KIAA1549: variants seen among roughly 807,000 people sequenced by gnomAD.
KIAA1549 encodes the protein UPF0606 protein KIAA1549.
In KIAA1549, 70 loss-of-function variants were observed where a neutral mutation model predicts 156.4. That is an observed-to-expected ratio of 0.45 (90% CI 0.37 to 0.55). The LOEUF (loss-of-function observed/expected upper bound fraction) is 0.55. KIAA1549 is among the 20% of genes least tolerant of loss of function. The pLI, the probability that KIAA1549 is intolerant of heterozygous loss-of-function variation, is 0.00. For synonymous variants in KIAA1549, 1,103 were observed against 1,066.4 expected, an observed-to-expected ratio of 1.03 and a Z score of -0.67; for missense variants, 2,428 against 2,540.9, an observed-to-expected ratio of 0.96 and a Z score of 0.96.
Position 138,922,332 on chromosome 7 carries a change from T to C in KIAA1549, c.188-2894A>G, listed in dbSNP as rs112636510. On this transcript the variant is annotated intron_variant, in intron 1 of 19. Transcript: ENST00000422774. The stretch of plus-strand genomic sequence containing the variant: ...ATATTCACAGTCTGGTTTCAAAGTA[T>C]TCCTGCAGCTAGAGTTGCAGAGCAC... Among the ~76,000 whole-genome samples, 121 of 152,290 alleles carry C rather than the reference T, an allele frequency of 7.9e-4. 2 individuals carry two copies. Among genetic ancestry groups the C allele is most frequent in the African/African-American group, 2.5e-3 (104 of 41,556 alleles).
rs896360179 is a variant in KIAA1549, at chr7:138,894,545, GGT to G, written c.3848-21_3848-20del. On this transcript the variant is annotated intron_variant, in intron 9 of 19. Coordinates refer to ENST00000422774, the MANE Select transcript of KIAA1549 (RefSeq NM_001164665.2). ...TCGACAGCTGCAGACAAGGAAGAAA[GGT>G]CTTTCAATAATTCCTTCTTCACTCA... The G allele has an allele frequency of 6.8e-6, 11 of 1,612,784 alleles. No homozygotes were observed. The Admixed American group carries it at 8.3e-5, about 12-fold the overall frequency.
intron 7 of KIAA1549, 114 bp from the exon 8 acceptor site, chr7:138,903,850 T>C (rs10235011): frequency 0.061 from 22,333 of 367,302 alleles, 1,149 homozygotes; most frequent in African/African-American, 0.15. Context: ...TGTGTGTGTG[T>C]GTGCGCGCGC....
Position 138,912,427 on chromosome 7 carries a change from A to T in KIAA1549, c.2912T>A (p.Ile971Asn). ...CCTCAGTACTTCTTTGATTGCTGTA[A>T]TGATGTACTCCTGCACAGCTCTTCT... ...LARRAVQEYIITAIKEVLRIH... is the reference protein window; with the variant it reads ...LARRAVQEYINTAIKEVLRIH... The change falls in exon 3 of 20, where the codon ATT (isoleucine) becomes AAT (asparagine). Residue 971 changes from isoleucine (I) to asparagine (N), a missense_variant. By Grantham distance (149) the Ile-to-Asn change is moderately radical. Around this residue, in one of 5 missense-constraint regions of KIAA1549, gnomAD observed 762 missense variants for 901.6 expected, o/e 0.85. Transcript: ENST00000422774. The T allele has an allele frequency of 1.2e-6, 2 of 1,613,870 alleles. No individual in the cohort carries two copies.
chr7:138,903,482 T>A, intron 8 of KIAA1549, 106 bp downstream of exon 8: 1 of 1,186,996 alleles, frequency 8.4e-7, no homozygotes, highest in Non-Finnish European at 1.2e-6. Context: ...CTCATGGCAC[T>A]TCTCATTTGC....
At position 138,916,899 on chromosome 7, in the gene KIAA1549, G is replaced by A. The variant is rs776428143; in HGVS notation, c.2727C>T (p.Pro909=). ...GGGGAGGAGCAGCACTACTCTCTGG[G>A]GGGCTCTGACTTGCGGCGTCACCCA... The part of the protein sequence containing the change: ...TLMGDAASQS[P]PESSAAPPLP... Residue 909 remains proline (P), a synonymous_variant, in exon 2 of 20, where the codon CCC becomes CCT. Transcript: ENST00000422774. The A allele has an allele frequency of 4.3e-6, 7 of 1,613,732 alleles. No homozygotes were observed. In the South Asian group the frequency reaches 6.6e-5, roughly 15 times the overall value.
intron 1 of KIAA1549, 118 bp from the exon 2 acceptor site, chr7:138,919,556 T>G (rs1342785014): frequency 6.8e-7 from 1 of 1,480,880 alleles, no homozygotes; most frequent in African/African-American, 1.4e-5. Flanking sequence ...TAAATATCCA[T>G]GAATCACCGT....
intron 1 of KIAA1549, among the ~76,000 whole-genome samples, chr7:138,971,835 C>T (rs1025517170): frequency 1.9e-4 from 29 of 152,188 alleles, no homozygotes; most frequent in African/African-American, 6.5e-4. Context: ...CCTAGACACC[C>T]AACTCCTGCC....
chr7:138,861,062 AGC>A, intron 16 of KIAA1549, 75 bp downstream of exon 16: 1 of 1,435,828 alleles, frequency 7.0e-7, no homozygotes, highest in Non-Finnish European at 9.8e-7. Flanking sequence ...TTTTGTGCGG[AGC>A]CTGAAAGTCA....
rs1262321319 is a variant in KIAA1549, at chr7:138,831,629, T to A, written c.*6277A>T. 1 of 229,220 alleles carries A rather than the reference T, an allele frequency of 4.4e-6. No individual in the cohort carries two copies. The highest frequency in any genetic ancestry group is 8.6e-6 in the Non-Finnish European group (1 of 115,620). 14.2% of individuals were successfully genotyped at this position (229,220 alleles called of 1,614,324 possible). ...TTTGAGGACCAGCAAACCATGATTG[T>A]CAAGTTTAAGTTGCAGTATTGATGC... On this transcript the variant is annotated 3_prime_UTR_variant, in exon 20 of 20. Coordinates refer to ENST00000422774, the MANE Select transcript of KIAA1549 (RefSeq NM_001164665.2).
At chr7:138,855,021 C>T (rs544879040) in intron 16 of KIAA1549, among the ~76,000 whole-genome samples, 123 of 152,148 alleles carry the variant, frequency 8.1e-4, no homozygotes, top group Non-Finnish European at 1.1e-3. Context: ...CACGATGTGG[C>T]TCCTAAGCCC....
At chr7:138,840,655 T>A (rs1302934456) in intron 18 of KIAA1549, among the ~76,000 whole-genome samples, 1 of 152,144 alleles carries the variant, frequency 6.6e-6, no homozygotes, top group Non-Finnish European at 1.5e-5. Flanking sequence ...CCTCCCCATT[T>A]CCACCCAGGG....
At chr7:138,897,790 G>T (rs1022335273) in intron 9 of KIAA1549, among the ~76,000 whole-genome samples, 4 of 150,624 alleles carry the variant, frequency 2.7e-5, no homozygotes, top group African/African-American at 9.8e-5. Context: ...CTACTCAGGA[G>T]GCTGAGGCAG....
chr7:138,892,103 C>T (rs1204574955), intron 10 of KIAA1549, among the ~76,000 whole-genome samples: 2 of 152,098 alleles, frequency 1.3e-5, no homozygotes, highest in African/African-American at 4.8e-5. Context: ...AACCTGTTGT[C>T]AGGATGTATG....
chr7:138,854,875 A>G (rs970231342), intron 16 of KIAA1549, among the ~76,000 whole-genome samples: 6 of 152,206 alleles, frequency 3.9e-5, no homozygotes, highest in Admixed American at 3.9e-4. Flanking sequence ...GAGAAATAAC[A>G]ACACGAACCT....
chr7:138,967,073 CG>C (rs1563097166), intron 1 of KIAA1549, among the ~76,000 whole-genome samples: 1 of 152,134 alleles, frequency 6.6e-6, no homozygotes, highest in African/African-American at 2.4e-5. Context: ...ACACCTACCG[CG>C]GAGTAACACA....
At chr7:138,952,905 G>A (rs749017314) in intron 1 of KIAA1549, among the ~76,000 whole-genome samples, 1 of 152,236 alleles carries the variant, frequency 6.6e-6, no homozygotes, top group African/African-American at 2.4e-5. Flanking sequence ...TAAGGAGCAA[G>A]TGAGTCTAGA....
At chr7:138,942,706 C>T (rs568641472) in intron 1 of KIAA1549, among the ~76,000 whole-genome samples, 3 of 152,044 alleles carry the variant, frequency 2.0e-5, no homozygotes, top group Non-Finnish European at 2.9e-5. Flanking sequence ...GTCAGGAGAT[C>T]GAGACCATCC....
intron 3 of KIAA1549, among the ~76,000 whole-genome samples, chr7:138,911,799 C>T (rs759861822): frequency 6.6e-6 from 1 of 152,056 alleles, no homozygotes. Flanking sequence ...CCTTTTTTCA[C>T]TGCATTTTTC....
intron 17 of KIAA1549, among the ~76,000 whole-genome samples, chr7:138,848,315 C>T (rs1810137259): frequency 6.6e-6 from 1 of 152,168 alleles, no homozygotes; most frequent in African/African-American, 2.4e-5. Flanking sequence ...TAATATTTGC[C>T]AAGATACCTT....
Sources: gnomAD v4.1 joint callset for allele counts (sites outside exome capture counted in the v4.1 genomes callset) on GRCh38, gnomAD v4.1.1 for gene constraint, gnomAD v4.1.1 regional missense constraint, MANE v1.5 for transcripts, NCBI Gene and HGNC (gene_info 2026-07-23, HGNC 2026-07-21) for gene names.